Variants in FRMPD4 observed in about 807,000 individuals in gnomAD.
The protein encoded by FRMPD4 is FERM and PDZ domain-containing protein 4.
Under a neutral mutation model 94.1 loss-of-function variants are expected in FRMPD4, and 22 were observed. The ratio of observed to expected loss-of-function variants is 0.23; its 90% CI spans 0.17 to 0.33. The LOEUF (loss-of-function observed/expected upper bound fraction) is 0.33, where lower values mean the gene tolerates loss of function less well. Among genes scored for constraint, FRMPD4 ranks in the 10% least tolerant of loss-of-function variants. FRMPD4 has a pLI of 1.00. For synonymous variants in FRMPD4, 631 were observed against 548.6 expected, an observed-to-expected ratio of 1.15 and a Z score of -2.10; for missense variants, 1,111 against 1,339.9, an observed-to-expected ratio of 0.83 and a Z score of 2.67.
chrX:12,715,371 A>T (rs2042059874), intron 14 of FRMPD4, among the ~76,000 whole-genome samples: 1 of 112,172 alleles, frequency 8.9e-6, no homozygotes, highest in African/African-American at 3.2e-5. Flanking sequence ...AATTACAGAG[A>T]AAAGTACGTT....
chrX:12,185,539 C>T (rs931634851), intron 1 of FRMPD4, among the ~76,000 whole-genome samples: 1 of 111,329 alleles, frequency 9.0e-6, no homozygotes, highest in Non-Finnish European at 1.9e-5. Flanking sequence ...TCCAAGGGTC[C>T]CTCTACGACC....
At chrX:11,963,829 G>A (rs2054296021) in intron 3 of FRMPD4, among the ~76,000 whole-genome samples, 1 of 111,611 alleles carries the variant, frequency 9.0e-6, no homozygotes, top group African/African-American at 3.3e-5. Context: ...GATTATAAGG[G>A]AAATTTGGGG....
At chrX:12,418,118 A>G (rs1444171093) in intron 1 of FRMPD4, among the ~76,000 whole-genome samples, 1 of 110,437 alleles carries the variant, frequency 9.1e-6, no homozygotes, top group East Asian at 2.8e-4. Context: ...TTGCTGGAAT[A>G]ACGTGTTCTA....
intron 3 of FRMPD4, among the ~76,000 whole-genome samples, chrX:11,976,985 CT>C (rs1243362033): frequency 9.0e-6 from 1 of 111,251 alleles, no homozygotes; most frequent in African/African-American, 3.3e-5. Flanking sequence ...TGAAGAAGGG[CT>C]TTTGCTCATT....
At chrX:12,012,237 T>C (rs1410577415) in intron 3 of FRMPD4, among the ~76,000 whole-genome samples, 1 of 111,707 alleles carries the variant, frequency 9.0e-6, no homozygotes, top group African/African-American at 3.3e-5. Context: ...CTAATTGCCC[T>C]GGCTAGAACC....
chrX:12,617,143 A>C (rs2059243710), intron 4 of FRMPD4, among the ~76,000 whole-genome samples: 1 of 112,521 alleles, frequency 8.9e-6, no homozygotes, highest in South Asian at 3.7e-4. Flanking sequence ...AACCAGTTAA[A>C]AGAGAGGATG....
chrX:12,273,076 CAAAAAAAAAAAAAGA>C (rs1170745095), intron 1 of FRMPD4, among the ~76,000 whole-genome samples: 1 of 74,583 alleles, frequency 1.3e-5, no homozygotes, highest in Non-Finnish European at 2.7e-5. Context: ...GACTTGGTTT[CAAAAAAAAAAAAAGA>C]AAAAAAAATA....
intron 3 of FRMPD4, among the ~76,000 whole-genome samples, chrX:12,101,587 T>G (rs2055256579): frequency 8.9e-6 from 1 of 111,841 alleles, no homozygotes; most frequent in Non-Finnish European, 1.9e-5. Context: ...TTTATTATCC[T>G]GGGGATGCTT....
intron 4 of FRMPD4, among the ~76,000 whole-genome samples, chrX:12,669,970 G>A (rs775501450): frequency 1.8e-5 from 2 of 112,043 alleles, no homozygotes; most frequent in Non-Finnish European, 3.8e-5. Context: ...TCTAATACAG[G>A]GTCTATGCTT....
At chrX:12,613,267 G>A (rs5979683) in intron 3 of FRMPD4, among the ~76,000 whole-genome samples, 2,134 of 111,738 alleles carry the variant, frequency 0.019, 55 homozygotes, top group African/African-American at 0.065. Context: ...TCACTCAGAT[G>A]TGGTTTTAAG....
chrX:12,162,061 T>G (rs11797472), intron 1 of FRMPD4, among the ~76,000 whole-genome samples: 19,766 of 109,769 alleles, frequency 0.18, 1,312 homozygotes, highest in South Asian at 0.34. Context: ...TACTAAAAAA[T>G]AAAAAAGAAA....
intron 2 of FRMPD4, among the ~76,000 whole-genome samples, chrX:12,558,898 G>C (rs2058623462): frequency 8.9e-6 from 1 of 112,154 alleles, no homozygotes; most frequent in Non-Finnish European, 1.9e-5. Flanking sequence ...GCAATACAGT[G>C]AGATGCTGTC....
chrX:11,848,038 TA>T (rs1332643876), intron 1 of FRMPD4, among the ~76,000 whole-genome samples: 135 of 104,304 alleles, frequency 1.3e-3, no homozygotes, highest in African/African-American at 4.0e-3. Context: ...ATAATAATAA[TA>T]AAAAAAATAA....
In FRMPD4 at chrX:12,643,828, T is replaced by A. The variant is rs147312236; in HGVS notation, c.422+28947T>A. 4.2e-3 allele frequency among the ~76,000 whole-genome samples: 469 copies of A among 111,931 alleles called. 1 individual carries two copies. Among genetic ancestry groups the A allele is most frequent in the African/African-American group, 0.015 (449 of 30,846 alleles). On this transcript the variant is annotated intron_variant, in intron 4 of 16. Coordinates refer to ENST00000675598, the MANE Select transcript of FRMPD4 (RefSeq NM_001368397.1). Reference sequence around the variant, plus strand: ...TAGGACCTGCATTGGAGACCAAGTCTTCATGCTTTTCCAGTAAACAGCATG... The same window carrying A: ...TAGGACCTGCATTGGAGACCAAGTCATCATGCTTTTCCAGTAAACAGCATG...
chrX:11,896,644 T>G (rs1987979180), intron 3 of FRMPD4, among the ~76,000 whole-genome samples: 1 of 111,967 alleles, frequency 8.9e-6, no homozygotes, highest in Non-Finnish European at 1.9e-5. Flanking sequence ...GCACCCATTT[T>G]GTGTTGCTTT....
chrX:12,162,233 T>C (rs2056038285), intron 1 of FRMPD4, among the ~76,000 whole-genome samples: 1 of 111,858 alleles, frequency 8.9e-6, no homozygotes, highest in Non-Finnish European at 1.9e-5. Flanking sequence ...AACTCTAGGG[T>C]GGGAACAGGT....
chrX:11,970,193 AG>A (rs2054332923), intron 3 of FRMPD4, among the ~76,000 whole-genome samples: 1 of 112,329 alleles, frequency 8.9e-6, no homozygotes, highest in South Asian at 3.7e-4. Flanking sequence ...TTTTCAACTC[AG>A]TACCTTCATC....
intron 3 of FRMPD4, among the ~76,000 whole-genome samples, chrX:12,080,766 A>C (rs1295016979): frequency 8.9e-6 from 1 of 112,288 alleles, no homozygotes; most frequent in African/African-American, 3.2e-5. Context: ...TGTCTCTTTC[A>C]GTAGTGATTA....
chrX:12,559,657 A>AAAC (rs1319281909), intron 2 of FRMPD4, among the ~76,000 whole-genome samples: 2 of 109,675 alleles, frequency 1.8e-5, no homozygotes, highest in Admixed American at 9.7e-5. Flanking sequence ...CTCAAGGAAA[A>AAAC]AAAAAAACAA....
Sources: allele counts gnomAD v4.1 joint callset (sites outside exome capture counted in the v4.1 genomes callset), GRCh38; gene constraint gnomAD v4.1.1; transcripts MANE v1.5; gene names NCBI Gene and HGNC (gene_info 2026-07-23, HGNC 2026-07-21).